Variants in PCDH9 observed in about 807,000 individuals in gnomAD.
The protein encoded by PCDH9 is protocadherin-9.
In PCDH9, 24 loss-of-function variants were observed where a neutral mutation model predicts 70.6. That is an observed-to-expected ratio of 0.34 (90% CI 0.25 to 0.48). PCDH9 has a LOEUF of 0.48. Ranked by LOEUF, PCDH9 falls within the 20% of genes least tolerant of loss-of-function variation. PCDH9 has a pLI of 0.99. For missense variants in PCDH9, 1,281 were observed against 1,503.6 expected, an observed-to-expected ratio of 0.85 and a Z score of 2.45; for synonymous variants, 562 against 558.5, an observed-to-expected ratio of 1.01 and a Z score of -0.09.
chr13:67,040,381 G>A (rs1289176413), intron 2 of PCDH9, among the ~76,000 whole-genome samples: 3 of 152,244 alleles, frequency 2.0e-5, no homozygotes, highest in South Asian at 2.1e-4. Flanking sequence ...AGGCTGAGGC[G>A]GAAAGACTGT....
intron 4 of PCDH9, among the ~76,000 whole-genome samples, chr13:66,305,753 C>T (rs1219383698): frequency 1.3e-5 from 2 of 152,004 alleles, no homozygotes; most frequent in Non-Finnish European, 2.9e-5. Flanking sequence ...TAACTATTTT[C>T]TAAATTTCTA....
Position 67,226,102 on chromosome 13 carries a change from T to C in PCDH9, c.2339A>G (p.Asn780Ser). The C allele has an allele frequency of 6.2e-7, 1 of 1,614,114 alleles. No homozygotes were observed. Among genetic ancestry groups the C allele is most frequent in the Non-Finnish European group, 8.5e-7 (1 of 1,180,028 alleles). The part of the protein sequence containing the change: ...VFLYVNDTAG[N>S]ASYIYDLIRR... ...GATCAAGTCATAGATATAGGAGGCATTTCCAGCAGTGTCGTTAACATAAAG... is the reference window on the plus strand; with the variant it reads ...GATCAAGTCATAGATATAGGAGGCACTTCCAGCAGTGTCGTTAACATAAAG... The change falls in exon 2 of 5, where the codon AAT (asparagine) becomes AGT (serine). Residue 780 changes from asparagine to serine, a missense_variant. Around this residue, in one of 4 missense-constraint regions of PCDH9, gnomAD observed 798 missense variants for 1,003.1 expected, o/e 0.80. Transcript: ENST00000377865. The surrounding 1 kb of genome is among the most constrained non-coding windows in gnomAD (Gnocchi z 5.0).
At chr13:66,918,628 T>C (rs185548716) in intron 2 of PCDH9, among the ~76,000 whole-genome samples, 3 of 151,120 alleles carry the variant, frequency 2.0e-5, no homozygotes, top group Admixed American at 6.6e-5. Context: ...TTTCCTCTTG[T>C]AAAAAAATAG....
At chr13:67,105,195 A>G (rs535265229) in intron 2 of PCDH9, among the ~76,000 whole-genome samples, 1 of 152,252 alleles carries the variant, frequency 6.6e-6, no homozygotes, top group South Asian at 2.1e-4. Flanking sequence ...AATTGCCTAC[A>G]CTTTTTGGCA....
chr13:66,629,469 A>G (rs976318359), intron 4 of PCDH9, among the ~76,000 whole-genome samples: 10 of 152,212 alleles, frequency 6.6e-5, no homozygotes, highest in Non-Finnish European at 1.0e-4. Context: ...AAACCTCTTC[A>G]CAGAAGTCTG....
At chr13:66,490,711 A>AT (rs899513805) in intron 4 of PCDH9, among the ~76,000 whole-genome samples, 6 of 151,892 alleles carry the variant, frequency 4.0e-5, no homozygotes, top group Middle Eastern at 3.4e-3. Context: ...TTGCTGAACT[A>AT]TTTTTTTTAA....
At chr13:66,792,778 CAT>C (rs775699363) in intron 3 of PCDH9, among the ~76,000 whole-genome samples, 33 of 152,238 alleles carry the variant, frequency 2.2e-4, no homozygotes, top group Non-Finnish European at 4.6e-4. Context: ...ATTGGCTATA[CAT>C]GTGAATGCCT....
At chr13:67,221,991 A>ACCTCAGTG (rs2089735679) in intron 2 of PCDH9, 1 of 152,206 alleles carries the variant, frequency 6.6e-6, no homozygotes, top group Non-Finnish European at 1.5e-5. Flanking sequence ...GTATATTTTC[A>ACCTCAGTG]GTCCTGACCT....
At chr13:66,695,103 C>G (rs2078542620) in intron 3 of PCDH9, among the ~76,000 whole-genome samples, 1 of 151,980 alleles carries the variant, frequency 6.6e-6, no homozygotes, top group African/African-American at 2.4e-5. Flanking sequence ...CGGGGTTTCA[C>G]CGTGTTAGCC....
At position 66,482,079 on chromosome 13, in the gene PCDH9, T is replaced by C. The variant is rs542721956; in HGVS notation, c.3340+149131A>G. Among the ~76,000 whole-genome samples the C allele has an allele frequency of 1.4e-4, 21 of 152,218 alleles. No individual in the cohort carries two copies. In the South Asian group the frequency reaches 4.2e-3, roughly 30 times the overall value. ...TGGGTACCTTTCATCTATTTTCAGA[T>C]AGAGGGTGAGTTTATTAGTGTGGGA... On this transcript the variant is annotated intron_variant, in intron 4 of 4. Coordinates refer to ENST00000377865, the MANE Select transcript of PCDH9 (RefSeq NM_203487.3).
intron 2 of PCDH9, among the ~76,000 whole-genome samples, chr13:67,030,615 C>A (rs2084886368): frequency 6.6e-6 from 1 of 152,040 alleles, no homozygotes; most frequent in Non-Finnish European, 1.5e-5. Flanking sequence ...TTACACCTTA[C>A]ATGCATGCAT....
intron 3 of PCDH9, among the ~76,000 whole-genome samples, chr13:66,773,277 C>T (rs2079837380): frequency 6.6e-6 from 1 of 152,150 alleles, no homozygotes; most frequent in South Asian, 2.1e-4. Flanking sequence ...CTCTTAGCCA[C>T]ATGTAGCTAT....
intron 3 of PCDH9, among the ~76,000 whole-genome samples, chr13:66,843,642 C>G (rs1428111988): frequency 6.6e-6 from 1 of 152,160 alleles, no homozygotes; most frequent in Non-Finnish European, 1.5e-5. Flanking sequence ...TCAGGGATGG[C>G]CTTGTGGCTC....
chr13:66,508,337 T>G (rs137913068), intron 4 of PCDH9, among the ~76,000 whole-genome samples: 2 of 152,122 alleles, frequency 1.3e-5, no homozygotes, highest in Non-Finnish European at 2.9e-5. Flanking sequence ...TAGATGGAGA[T>G]GGTGGTTGCG....
intron 4 of PCDH9, among the ~76,000 whole-genome samples, chr13:66,459,253 T>C (rs1459163718): frequency 6.6e-6 from 1 of 151,954 alleles, no homozygotes; most frequent in African/African-American, 2.4e-5. Flanking sequence ...TGTATACTCA[T>C]AGGTTCTGCT....
chr13:67,089,708 C>T (rs1232197247), intron 2 of PCDH9, among the ~76,000 whole-genome samples: 1 of 151,840 alleles, frequency 6.6e-6, no homozygotes, highest in Non-Finnish European at 1.5e-5. Flanking sequence ...TTTAAAAGAC[C>T]TCTTTGGTCA....
intron 2 of PCDH9, among the ~76,000 whole-genome samples, chr13:66,968,501 G>A (rs1292006224): frequency 2.0e-5 from 3 of 151,848 alleles, no homozygotes; most frequent in Non-Finnish European, 4.4e-5. Flanking sequence ...CGACTCCTTC[G>A]ACCTTGCTTC....
intron 2 of PCDH9, among the ~76,000 whole-genome samples, chr13:66,990,271 A>G (rs1426297517): frequency 6.6e-6 from 1 of 151,840 alleles, no homozygotes; most frequent in Non-Finnish European, 1.5e-5. Context: ...AACAATTATA[A>G]GCAACAAACT....
intron 4 of PCDH9, among the ~76,000 whole-genome samples, chr13:66,540,239 T>TTTGGG (rs1173302599): frequency 2.6e-5 from 4 of 152,174 alleles, no homozygotes; most frequent in African/African-American, 9.6e-5. Context: ...AATAATATAT[T>TTTGGG]GAATTTTGGG....
Sources: gnomAD v4.1 joint callset for allele counts (sites outside exome capture counted in the v4.1 genomes callset) on GRCh38, gnomAD v4.1.1 for gene constraint, gnomAD v4.1.1 regional missense constraint, Gnocchi (gnomAD v3.1) non-coding constraint, MANE v1.5 for transcripts, NCBI Gene and HGNC (gene_info 2026-07-23, HGNC 2026-07-21) for gene names.